Variants in KANSL1L observed in about 807,000 individuals in gnomAD.
The protein encoded by KANSL1L is KAT8 regulatory NSL complex subunit 1 like, also known as KAT8 regulatory NSL complex subunit 1-like protein.
Under a neutral mutation model 108.6 loss-of-function variants are expected in KANSL1L, and 25 were observed. The ratio of observed to expected loss-of-function variants is 0.23; its 90% CI spans 0.17 to 0.32. The LOEUF (loss-of-function observed/expected upper bound fraction) is 0.32, where lower values mean the gene tolerates loss of function less well. Among genes scored for constraint, KANSL1L ranks in the 10% least tolerant of loss-of-function variants. The probability of loss-of-function intolerance (pLI) is 1.00; values close to 1 mark genes in which losing one functional copy is unlikely to be tolerated. For synonymous variants in KANSL1L, 405 were observed against 395.1 expected, an observed-to-expected ratio of 1.03 and a Z score of -0.30; for missense variants, 1,137 against 1,125.7, an observed-to-expected ratio of 1.01 and a Z score of -0.14.
In KANSL1L at chr2:210,044,145, T is replaced by A; in HGVS notation, c.1756-41A>T. ...GTATTAGAATATCACAGCCAAAGCA[T>A]CCATAAATGGCATATCTCTACATTT... On this transcript the variant is annotated intron_variant, in intron 6 of 14. Coordinates refer to ENST00000281772, the MANE Select transcript of KANSL1L (RefSeq NM_152519.4). This position sits in a 1 kb window ranked among gnomAD's most constrained non-coding sequence, Gnocchi z 4.2. 7.2e-7 allele frequency: 1 copy of A among 1,392,904 alleles called. No individual in the cohort carries two copies. Among genetic ancestry groups the A allele is most frequent in the Non-Finnish European group, 9.6e-7 (1 of 1,036,310 alleles). The allele number at this position is 1,392,904 out of a possible 1,614,324, so 86.3% of individuals were successfully genotyped here.
intron 3 of KANSL1L, among the ~76,000 whole-genome samples, chr2:210,128,317 T>C (rs1008343884): frequency 6.6e-6 from 1 of 152,220 alleles, no homozygotes; most frequent in African/African-American, 2.4e-5. Flanking sequence ...TATATCCATG[T>C]TCATAGCATA....
At chr2:210,168,705 A>T (rs757259984) in intron 1 of KANSL1L, among the ~76,000 whole-genome samples, 3 of 152,126 alleles carry the variant, frequency 2.0e-5, no homozygotes, top group African/African-American at 7.2e-5. Context: ...TCTGGTAGAC[A>T]ACTGTGATCA....
intron 7 of KANSL1L, among the ~76,000 whole-genome samples, chr2:210,043,136 G>C (rs1223749087): frequency 6.6e-6 from 1 of 152,054 alleles, no homozygotes; most frequent in African/African-American, 2.4e-5. Flanking sequence ...AGTAATCCTA[G>C]CATTTTTGGG....
intron 3 of KANSL1L, among the ~76,000 whole-genome samples, chr2:210,109,859 CT>C (rs1166219260): frequency 6.6e-6 from 1 of 151,608 alleles, no homozygotes; most frequent in Non-Finnish European, 1.5e-5. Context: ...TTTATATTAC[CT>C]TCCTTGGCAA....
intron 3 of KANSL1L, among the ~76,000 whole-genome samples, chr2:210,107,775 C>T (rs1217948108): frequency 1.3e-5 from 2 of 151,920 alleles, no homozygotes; most frequent in African/African-American, 2.4e-5. Flanking sequence ...CCTTGTAATT[C>T]GCCTGCCTCG....
chr2:210,133,953 T>C (rs1025271695), intron 2 of KANSL1L, among the ~76,000 whole-genome samples: 4 of 152,120 alleles, frequency 2.6e-5, no homozygotes, highest in African/African-American at 9.6e-5. Context: ...AAAATTTCTT[T>C]AGTGCGTGTA....
In KANSL1L at chr2:210,068,400, T is replaced by C. The variant is rs1207622678; in HGVS notation, c.1755+7152A>G. 2.0e-5 allele frequency among the ~76,000 whole-genome samples: 3 copies of C among 152,260 alleles called. No individual in the cohort carries two copies. In the East Asian group the frequency reaches 5.8e-4, roughly 29 times the overall value. On this transcript the variant is annotated intron_variant, in intron 6 of 14. Coordinates refer to ENST00000281772, the MANE Select transcript of KANSL1L (RefSeq NM_152519.4). Reference sequence around the variant, plus strand: ...ACACAGAGAATGCAAATCTCTTCAGTCAGTGTGTACTCTATTGTCTTAATG... The same window carrying C: ...ACACAGAGAATGCAAATCTCTTCAGCCAGTGTGTACTCTATTGTCTTAATG...
chr2:210,105,801 G>A (rs573462825), intron 3 of KANSL1L, among the ~76,000 whole-genome samples: 26 of 152,110 alleles, frequency 1.7e-4, no homozygotes, highest in African/African-American at 6.3e-4. Flanking sequence ...GAGAAGGGGA[G>A]CCACTTGATC....
At chr2:210,099,644 G>A (rs978023443) in intron 4 of KANSL1L, among the ~76,000 whole-genome samples, 1 of 152,000 alleles carries the variant, frequency 6.6e-6, no homozygotes, top group East Asian at 1.9e-4. Flanking sequence ...CACATCTTCC[G>A]GTTGGAAACA....
At chr2:210,084,933 T>C (rs886437241) in intron 5 of KANSL1L, among the ~76,000 whole-genome samples, 3 of 152,150 alleles carry the variant, frequency 2.0e-5, no homozygotes, top group Non-Finnish European at 2.9e-5. Flanking sequence ...TTTATTAGGA[T>C]GTCTAATACA....
At chr2:210,165,561 C>T (rs577519138) in intron 1 of KANSL1L, among the ~76,000 whole-genome samples, 18 of 152,160 alleles carry the variant, frequency 1.2e-4, no homozygotes, top group African/African-American at 4.3e-4. Flanking sequence ...AATTTTTAGA[C>T]TACAATTTAA....
At chr2:210,055,113 A>G (rs1288370106) in intron 6 of KANSL1L, among the ~76,000 whole-genome samples, 2 of 152,034 alleles carry the variant, frequency 1.3e-5, no homozygotes, top group Non-Finnish European at 2.9e-5. Context: ...AGGGGTAGTT[A>G]CCCCCATGCT....
intron 2 of KANSL1L, among the ~76,000 whole-genome samples, chr2:210,147,444 C>A (rs1281350519): frequency 6.6e-6 from 1 of 152,120 alleles, no homozygotes. Context: ...CAGAGTGAGA[C>A]CTTTTCCCTA....
chr2:210,152,277 A>G (rs1235976818), intron 2 of KANSL1L: 3 of 152,222 alleles, frequency 2.0e-5, no homozygotes, highest in African/African-American at 7.2e-5. Context: ...AACTAAATTA[A>G]AAATTATGCT....
Position 210,022,755 on chromosome 2 carries a change from C to T in KANSL1L, c.*194G>A, listed in dbSNP as rs1024973345. ...ATAAACACAAATGACTACCACTTGT[C>T]TGTAGATGAAAATCTGGTTACCCTT... On this transcript the variant is annotated 3_prime_UTR_variant, in exon 15 of 15. Transcript: ENST00000281772. 12 of 554,656 alleles carry T rather than the reference C, an allele frequency of 2.2e-5. No homozygotes were observed. Among genetic ancestry groups the T allele is most frequent in the Non-Finnish European group, 3.8e-5 (12 of 311,706 alleles). 34.4% of individuals were successfully genotyped at this position (554,656 alleles called of 1,614,324 possible).
In KANSL1L at chr2:210,098,115, A is replaced by G. The variant is rs2094756020; in HGVS notation, c.1521T>C (p.His507=). The G allele has an allele frequency of 6.2e-7, 1 of 1,610,304 alleles. No individual in the cohort carries two copies. Among genetic ancestry groups the G allele is most frequent in the Non-Finnish European group, 8.5e-7 (1 of 1,177,958 alleles). ...SSPLSSKSCS[H]KCLANGIYRS... is the part of the protein sequence containing the mutation. ...TGTAAATGCCATTAGCCAGACATTT[A>G]TGGCTACAGGATTTGGAAGAGAGGG... The change falls in exon 5 of 15, where the codon CAT becomes CAC. Residue 507 remains histidine, a synonymous_variant. Coordinates refer to ENST00000281772, the MANE Select transcript of KANSL1L (RefSeq NM_152519.4).
At chr2:210,054,532 C>A (rs1300977173) in intron 6 of KANSL1L, among the ~76,000 whole-genome samples, 1 of 152,110 alleles carries the variant, frequency 6.6e-6, no homozygotes, top group African/African-American at 2.4e-5. Context: ...TGTACAAACT[C>A]TTTGTCCCAG....
intron 2 of KANSL1L, among the ~76,000 whole-genome samples, chr2:210,139,998 C>A (rs2095213788): frequency 2.0e-5 from 3 of 152,220 alleles, no homozygotes; most frequent in Non-Finnish European, 4.4e-5. Context: ...CGGGCTACAC[C>A]TCCTTGGCCA....
At chr2:210,144,855 C>G (rs2095254674) in intron 2 of KANSL1L, among the ~76,000 whole-genome samples, 1 of 152,118 alleles carries the variant, frequency 6.6e-6, no homozygotes, top group South Asian at 2.1e-4. Context: ...GTATCATGTT[C>G]TTTGGTGGTT....
Sources: allele counts gnomAD v4.1 joint callset (sites outside exome capture counted in the v4.1 genomes callset), GRCh38; gene constraint gnomAD v4.1.1; non-coding constraint Gnocchi (gnomAD v3.1); transcripts MANE v1.5; gene names NCBI Gene and HGNC (gene_info 2026-07-23, HGNC 2026-07-21).